The following ERICH1 variants were observed in gnomAD, a reference collection of about 807,000 sequenced individuals.
ERICH1 encodes the protein glutamate rich 1.
ERICH1 carries 56 observed loss-of-function variants against 39.6 expected under a neutral mutation model. The ratio of observed to expected loss-of-function variants is 1.41; its 90% CI spans 1.14 to 1.77. ERICH1 has a LOEUF of 1.77. Among genes scored for constraint, ERICH1 ranks in the 40% most tolerant of loss-of-function variants. ERICH1 has a pLI of 0.00. For missense variants in ERICH1, 826 were observed against 575.4 expected (o/e 1.44, Z -4.45); for synonymous variants, 313 against 223.6 (o/e 1.40, Z -3.57).
intron 3 of ERICH1, among the ~76,000 whole-genome samples, chr8:684,189 T>A (rs893001973): frequency 3.9e-5 from 6 of 152,110 alleles, no homozygotes; most frequent in African/African-American, 1.4e-4. Flanking sequence ...AATAGGGCAA[T>A]AAAGTGCTAA....
chr8:626,130 C>T (rs1463167705), intron 3 of ERICH1: 1 of 152,164 alleles, frequency 6.6e-6, no homozygotes, highest in African/African-American at 2.4e-5. Context: ...TTGCCATTTT[C>T]TCAGGGAAAG....
chr8:642,477 T>C (rs1585011791), intron 3 of ERICH1, among the ~76,000 whole-genome samples: 1 of 151,698 alleles, frequency 6.6e-6, no homozygotes, highest in African/African-American at 2.4e-5. Flanking sequence ...CCCAGATAGC[T>C]GGGACTACAG....
rs1200086421 is a variant in ERICH1, at chr8:675,116, G to A, written c.305-1069C>T. 1.3e-5 allele frequency among the ~76,000 whole-genome samples: 2 copies of A among 150,376 alleles called. 1 individual carries two copies. The highest frequency in any genetic ancestry group is 3.9e-4 in the East Asian group (2 of 5,142). On this transcript the variant is annotated intron_variant, in intron 3 of 5. Transcript: ENST00000262109. The stretch of plus-strand genomic sequence containing the variant: ...TCAACACCTCAGTGAGGACAGAGAC[G>A]TGGCGGCCCCTCGGCGAGGACAGAG...
chr8:693,021 C>A lies in ERICH1; in HGVS notation c.170-409G>T, dbSNP rs568100385. On this transcript the variant is annotated intron_variant, in intron 2 of 5. Coordinates refer to ENST00000262109, the MANE Select transcript of ERICH1 (RefSeq NM_207332.3). The stretch of plus-strand genomic sequence containing the variant: ...ACTGCACAGACTTCTGGGTCTTTTT[C>A]TCCACACGTGCTAACAACATGTGTA... Among the ~76,000 whole-genome samples, 11 of 152,296 alleles carry A rather than the reference C, an allele frequency of 7.2e-5. No individual in the cohort carries two copies. The South Asian group carries it at 2.3e-3, about 32-fold the overall frequency.
chr8:622,588 T>C (rs1797353566), intron 3 of ERICH1, among the ~76,000 whole-genome samples: 1 of 152,160 alleles, frequency 6.6e-6, no homozygotes, highest in Non-Finnish European at 1.5e-5. Flanking sequence ...TCTGAGGTAT[T>C]TTGATATCAC....
intron 3 of ERICH1, chr8:626,231 T>C (rs189528051): frequency 6.6e-6 from 1 of 152,020 alleles, no homozygotes; most frequent in Non-Finnish European, 1.5e-5. Context: ...TTGCTGGGAG[T>C]TAGGCCTGAG....
At chr8:721,244 T>C (rs1421542904) in intron 1 of ERICH1, among the ~76,000 whole-genome samples, 1 of 152,152 alleles carries the variant, frequency 6.6e-6, no homozygotes, top group East Asian at 1.9e-4. Context: ...ATAGAAATAA[T>C]AAAGTATTTT....
At chr8:685,760 C>G (rs1016410385) in intron 3 of ERICH1, among the ~76,000 whole-genome samples, 1 of 152,114 alleles carries the variant, frequency 6.6e-6, no homozygotes, top group South Asian at 2.1e-4. Flanking sequence ...TCTGGCATTT[C>G]AAGAGTCTTT....
intron 2 of ERICH1, among the ~76,000 whole-genome samples, chr8:712,585 A>C (rs1015788003): frequency 6.6e-6 from 1 of 152,250 alleles, no homozygotes; most frequent in South Asian, 2.1e-4. Flanking sequence ...GTGCACCACC[A>C]TGACTGGCTA....
chr8:691,994 A>C (rs1021801925), intron 3 of ERICH1, among the ~76,000 whole-genome samples: 24 of 152,246 alleles, frequency 1.6e-4, no homozygotes, highest in African/African-American at 5.5e-4. Context: ...ATATTCTTTC[A>C]TTCGTACGAC....
At position 710,806 on chromosome 8, in the gene ERICH1, T is replaced by C. The variant is rs545068669; in HGVS notation, c.169+5055A>G. Among the ~76,000 whole-genome samples the C allele has an allele frequency of 8.5e-5, 13 of 152,376 alleles. No individual in the cohort carries two copies. In the South Asian group the frequency reaches 2.5e-3, roughly 29 times the overall value. ...AGGACATCTTCGTTGCTTCCAAGTT[T>C]CGGCAGTTATGAATAAAGCTGCTAT... is the stretch of plus-strand genomic sequence containing the variant. On this transcript the variant is annotated intron_variant, in intron 2 of 5. Coordinates refer to ENST00000262109, the MANE Select transcript of ERICH1 (RefSeq NM_207332.3).
At chr8:619,267 C>A (rs1011618978) in intron 3 of ERICH1, among the ~76,000 whole-genome samples, 1 of 152,170 alleles carries the variant, frequency 6.6e-6, no homozygotes, top group Non-Finnish European at 1.5e-5. Flanking sequence ...CCATCGCGCA[C>A]AAGGAGGCCC....
intron 3 of ERICH1, among the ~76,000 whole-genome samples, chr8:632,326 T>TAAAA (rs10667356): frequency 1.0e-3 from 152 of 149,928 alleles, no homozygotes; most frequent in Middle Eastern, 6.8e-3. Flanking sequence ...TAATTAGCAG[T>TAAAA]AAAAAAAAAA....
chr8:686,039 G>A (rs1213779218), intron 3 of ERICH1, among the ~76,000 whole-genome samples: 3 of 151,508 alleles, frequency 2.0e-5, no homozygotes, highest in African/African-American at 7.3e-5. Flanking sequence ...GCGCACCTGT[G>A]GTCCCAGCTT....
intron 1 of ERICH1, among the ~76,000 whole-genome samples, chr8:730,224 G>A (rs1819664849): frequency 6.6e-6 from 1 of 152,258 alleles, no homozygotes; most frequent in South Asian, 2.1e-4. Flanking sequence ...TCCTGAAGGA[G>A]AGGGGGAAGC....
intron 3 of ERICH1, among the ~76,000 whole-genome samples, 192 bp from the exon 4 acceptor site, chr8:674,239 C>T (rs893778909): frequency 6.6e-6 from 1 of 151,122 alleles, no homozygotes; most frequent in African/African-American, 2.4e-5. Context: ...AGTACATACA[C>T]TCACAGATGC....
chr8:676,515 CGCGGCGGCCCCTCGT>C, intron 3 of ERICH1, among the ~76,000 whole-genome samples: 1 of 151,610 alleles, frequency 6.6e-6, no homozygotes, highest in African/African-American at 2.4e-5. Flanking sequence ...AGGACAGAGG[CGCGGCGGCCCCTCGT>C]GAGGACAGAG....
intron 2 of ERICH1, among the ~76,000 whole-genome samples, chr8:715,424 T>A (rs534233685): frequency 2.0e-5 from 3 of 151,858 alleles, no homozygotes; most frequent in Admixed American, 2.0e-4. Context: ...CATGGGGCTG[T>A]CATGGGACAG....
In ERICH1 at chr8:699,438, G is replaced by A. The variant is rs958114641; in HGVS notation, c.170-6826C>T. 7.9e-5 allele frequency among the ~76,000 whole-genome samples: 12 copies of A among 152,244 alleles called. No homozygotes were observed. In the South Asian group the frequency reaches 2.5e-3, roughly 32 times the overall value. On this transcript the variant is annotated intron_variant, in intron 2 of 5. Transcript: ENST00000262109. Reference sequence around the variant, plus strand: ...GGCCACAATCACAGCAACTTCAAGTGAAATCAGTGTAAAATCCAAGGACAA... The same window carrying A: ...GGCCACAATCACAGCAACTTCAAGTAAAATCAGTGTAAAATCCAAGGACAA...
Sources: gnomAD v4.1 joint callset for allele counts (sites outside exome capture counted in the v4.1 genomes callset) on GRCh38, gnomAD v4.1.1 for gene constraint, MANE v1.5 for transcripts, NCBI Gene and HGNC (gene_info 2026-07-23, HGNC 2026-07-21) for gene names.